PATJ: variants seen among roughly 807,000 people sequenced by gnomAD.
PATJ encodes the protein inaD-like protein.
In PATJ, 190 loss-of-function variants were observed where a neutral mutation model predicts 224.9. The observed-to-expected ratio is 0.84, with a 90% CI of 0.75 to 0.95. PATJ has a LOEUF of 0.95. Among genes scored for constraint, PATJ ranks in the 40% least tolerant of loss-of-function variants. The pLI, the probability that PATJ is intolerant of heterozygous loss-of-function variation, is 0.00. For missense variants in PATJ, 2,121 were observed against 2,270.3 expected (o/e 0.93, Z 1.34); for synonymous variants, 769 against 820.3 (o/e 0.94, Z 1.07).
At chr1:61,745,950 A>C (rs910963941) in intron 1 of PATJ, among the ~76,000 whole-genome samples, 2 of 148,594 alleles carry the variant, frequency 1.3e-5, no homozygotes, top group African/African-American at 5.0e-5. Context: ...TTATTTATTT[A>C]TTTTTGAGAC....
intron 31 of PATJ, among the ~76,000 whole-genome samples, chr1:62,053,522 C>G (rs913591604): frequency 7.2e-5 from 11 of 152,156 alleles, no homozygotes; most frequent in Non-Finnish European, 4.4e-5. Flanking sequence ...GAGTTCAAGA[C>G]CAGCCTGACC....
rs549480659 is a variant in PATJ, at chr1:62,134,122, G to A, written c.5271+5177G>A. Among the ~76,000 whole-genome samples the A allele has an allele frequency of 4.6e-5, 7 of 151,770 alleles. No individual in the cohort carries two copies. The South Asian group carries it at 1.5e-3, about 32-fold the overall frequency. The stretch of plus-strand genomic sequence containing the variant: ...CAGATCCCATGCCTCAGACCCAGTG[G>A]AGTAGAGCATTATTTAGGGATGAAA... On this transcript the variant is annotated intron_variant, in intron 41 of 43. Transcript: ENST00000642238.
rs1055270354 is a variant in PATJ, at chr1:61,975,040, G to A, written c.3671-15128G>A. 2.0e-5 allele frequency among the ~76,000 whole-genome samples: 3 copies of A among 151,984 alleles called. No homozygotes were observed. The South Asian group carries it at 6.2e-4, about 32-fold the overall frequency. On this transcript the variant is annotated intron_variant, in intron 27 of 43. Coordinates refer to ENST00000642238, the MANE Select transcript of PATJ (RefSeq NM_001350145.3). ...GCTTTCTGTGACCTTGACCTCTTGG[G>A]TTCAGGCAATCCTCCCACTTCAGCC...
At chr1:61,934,961 C>T (rs796728275) in intron 27 of PATJ, among the ~76,000 whole-genome samples, 39 of 152,320 alleles carry the variant, frequency 2.6e-4, no homozygotes, top group African/African-American at 8.4e-4. Flanking sequence ...CATGCCATTT[C>T]CTACCTTATC....
At chr1:61,890,211 G>A (rs996257260) in intron 22 of PATJ, among the ~76,000 whole-genome samples, 1 of 152,168 alleles carries the variant, frequency 6.6e-6, no homozygotes, top group Non-Finnish European at 1.5e-5. Flanking sequence ...AGGCGTGGTG[G>A]CTCACGCCTG....
intron 41 of PATJ, 87 bp from the exon 42 acceptor site, chr1:62,148,197 A>G: frequency 1.2e-6 from 1 of 807,554 alleles, no homozygotes; most frequent in Non-Finnish European, 2.2e-6. Context: ...TAAGATTAGG[A>G]TTGAGAACTG....
chr1:62,128,977 A>C, intron 41 of PATJ, 32 bp downstream of exon 41: 1 of 1,411,866 alleles, frequency 7.1e-7, no homozygotes, highest in Non-Finnish European at 1.0e-6. Context: ...GCAGCTGTGC[A>C]AGGCAGATAA....
At chr1:61,816,751 G>A (rs899517529) in intron 14 of PATJ, among the ~76,000 whole-genome samples, 1 of 152,174 alleles carries the variant, frequency 6.6e-6, no homozygotes, top group African/African-American at 2.4e-5. Context: ...TCTCCAGGAT[G>A]TAATTTTATA....
chr1:61,860,911 G>A lies in PATJ; in HGVS notation c.2323-640G>A, dbSNP rs111494260. Among the ~76,000 whole-genome samples, 699 of 151,946 alleles carry A rather than the reference G, an allele frequency of 4.6e-3. 7 individuals carry two copies. The highest frequency in any genetic ancestry group is 0.015 in the African/African-American group (642 of 41,454). ...GCTCTAGTACCAGACAGCCAGGGTC[G>A]AAATTTTGGGATATGTAGCGTTTGG... On this transcript the variant is annotated intron_variant, in intron 18 of 43. Transcript: ENST00000642238.
At position 62,117,153 on chromosome 1, in the gene PATJ, C is replaced by G; in HGVS notation, c.4825C>G (p.Leu1609Val). 2 of 1,614,016 alleles carry G rather than the reference C, an allele frequency of 1.2e-6. No homozygotes were observed. Among genetic ancestry groups the G allele is most frequent in the South Asian group, 2.2e-5 (2 of 91,072 alleles). Residue 1609 changes from leucine to valine, a missense_variant, in exon 37 of 44, where the codon CTA becomes GTA. By Grantham distance (32) the Leu-to-Val change is conservative (BLOSUM62 1). Coordinates refer to ENST00000642238, the MANE Select transcript of PATJ (RefSeq NM_001350145.3). Reference sequence around the variant, plus strand: ...CAAGTGTGCACAGGGACTTGTGCAGCTAGAGATTGGAAGACTCCGAGCTGG... The same window carrying G: ...CAAGTGTGCACAGGGACTTGTGCAGGTAGAGATTGGAAGACTCCGAGCTGG... ...ILKCAQGLVQ[L>V]EIGRLRAGSW...
chr1:61,874,750 C>G lies in PATJ; in HGVS notation c.2836-493C>G, dbSNP rs531902001. 5.3e-5 allele frequency among the ~76,000 whole-genome samples: 8 copies of G among 152,286 alleles called. No homozygotes were observed. The East Asian group carries it at 1.5e-3, about 29-fold the overall frequency. Reference sequence around the variant, plus strand: ...AAATGCAGTTAAGTTATCAACAGCACTTATCTGTAGGTTTTAGGTTTTAGG... The same window carrying G: ...AAATGCAGTTAAGTTATCAACAGCAGTTATCTGTAGGTTTTAGGTTTTAGG... On this transcript the variant is annotated intron_variant, in intron 20 of 43. Coordinates refer to ENST00000642238, the MANE Select transcript of PATJ (RefSeq NM_001350145.3).
chr1:61,816,727 A>G (rs1298015662), intron 14 of PATJ, among the ~76,000 whole-genome samples: 1 of 152,150 alleles, frequency 6.6e-6, no homozygotes, highest in Non-Finnish European at 1.5e-5. Flanking sequence ...CACAGAAGCA[A>G]TGCTGTTATC....
intron 29 of PATJ, among the ~76,000 whole-genome samples, chr1:62,034,297 G>A (rs948833111): frequency 2.0e-5 from 3 of 152,040 alleles, no homozygotes; most frequent in African/African-American, 7.2e-5. Context: ...ACCAAAATTA[G>A]CTGCACATGT....
chr1:61,945,311 T>C (rs1571426376), intron 27 of PATJ, among the ~76,000 whole-genome samples: 1 of 152,232 alleles, frequency 6.6e-6, no homozygotes, highest in Admixed American at 6.5e-5. Flanking sequence ...GACCCATCAG[T>C]GTGCTGTGTT....
At chr1:61,913,707 G>C (rs1465801357) in intron 25 of PATJ, among the ~76,000 whole-genome samples, 1 of 152,190 alleles carries the variant, frequency 6.6e-6, no homozygotes, top group East Asian at 1.9e-4. Context: ...CTCTCATTAA[G>C]CTTATTCAGT....
intron 4 of PATJ, among the ~76,000 whole-genome samples, chr1:61,768,347 G>A (rs1461718737): frequency 6.6e-6 from 1 of 151,908 alleles, no homozygotes; most frequent in East Asian, 2.0e-4. Flanking sequence ...GCTGGCGCCT[G>A]TAGTCCCAGC....
At chr1:62,079,618 A>G (rs1452751463) in intron 32 of PATJ, 51 bp downstream of exon 32, 1 of 1,178,698 alleles carries the variant, frequency 8.5e-7, no homozygotes, top group South Asian at 1.3e-5. Flanking sequence ...TAGAGAAGGC[A>G]AGGGATCATA....
Position 61,978,130 on chromosome 1 carries a change from G to A in PATJ, c.3671-12038G>A, listed in dbSNP as rs553701394. On this transcript the variant is annotated intron_variant, in intron 27 of 43. Transcript: ENST00000642238. ...TTCTTATTTTCTCTATTTGTTTATGGTTGATGTTGTTCATCTCTTACAGGA... is the reference window on the plus strand; with the variant it reads ...TTCTTATTTTCTCTATTTGTTTATGATTGATGTTGTTCATCTCTTACAGGA... Among the ~76,000 whole-genome samples the A allele has an allele frequency of 5.2e-4, 79 of 151,110 alleles. 1 individual carries two copies. Among genetic ancestry groups the A allele is most frequent in the African/African-American group, 1.7e-3 (69 of 41,002 alleles).
chr1:61,846,916 A>G (rs1662063207), intron 17 of PATJ, among the ~76,000 whole-genome samples: 1 of 152,196 alleles, frequency 6.6e-6, no homozygotes, highest in Admixed American at 6.5e-5. Flanking sequence ...ATGTAATTTT[A>G]GTGCTTGGGT....
Sources: allele counts gnomAD v4.1 joint callset (sites outside exome capture counted in the v4.1 genomes callset), GRCh38; gene constraint gnomAD v4.1.1; transcripts MANE v1.5; gene names NCBI Gene and HGNC (gene_info 2026-07-23, HGNC 2026-07-21).